The following A2M variants were observed in gnomAD, a reference collection of about 807,000 sequenced individuals.
A2M encodes C3 and PZP-like alpha-2-macroglobulin domain-containing protein 5.
In A2M, 128 loss-of-function variants were observed where a neutral mutation model predicts 183.9. The observed-to-expected ratio is 0.70, with a 90% confidence interval of 0.60 to 0.81. The LOEUF is 0.81. Ranked by LOEUF, A2M falls within the 30% of genes least tolerant of loss-of-function variation. The pLI is 0.00. For missense variants in A2M, 1,495 were observed against 1,787.6 expected (o/e 0.84, Z 2.95); for synonymous variants, 592 against 670.8 (o/e 0.88, Z 1.81).
chr12:9,111,922 G>A (rs1013974496), intron 4 of A2M: 50 of 645,712 alleles, frequency 7.7e-5, no homozygotes, highest in African/African-American at 6.9e-4. Flanking sequence ...AGAACCATCC[G>A]AAAAGTAAAT....
chr12:9,096,405 T>C (rs1235949827), intron 15 of A2M, among the ~76,000 whole-genome samples: 1 of 152,204 alleles, frequency 6.6e-6, no homozygotes, highest in East Asian at 1.9e-4. Context: ...TGTGCTTATC[T>C]TGTGGTGAGC....
intron 33 of A2M, 144 bp downstream of exon 33, chr12:9,069,601 A>T (rs1948503556): frequency 7.3e-6 from 4 of 547,004 alleles, no homozygotes; most frequent in Non-Finnish European, 3.2e-6. Flanking sequence ...TAAAGGAGAG[A>T]AGAACATTCT....
Position 9,089,234 on chromosome 12 carries a change from C to G in A2M, c.2736G>C (p.Lys912Asn). 6.3e-7 allele frequency: 1 copy of G among 1,588,574 alleles called. No homozygotes were observed. Residue 912 changes from lysine (K) to asparagine (N), a missense_variant, in exon 22 of 36, where the codon AAG (lysine) becomes AAC (asparagine). Physicochemically the swap from Lys to Asn is moderately conservative, Grantham distance 94. Coordinates refer to ENST00000318602, the MANE Select transcript of A2M (RefSeq NM_000014.6). The stretch of plus-strand genomic sequence containing the variant: ...AAAGTAGGGAGTTGAATGTTGTTTC[C>G]TTCTCTAGTCCTTCAGGCTTTAGGT... ...PLLVEPEGLE[K>N]ETTFNSLLCP...
At chr12:9,074,504 C>T in intron 29 of A2M, 56 bp downstream of exon 29, 4 of 1,489,282 alleles carry the variant, frequency 2.7e-6, no homozygotes, top group Non-Finnish European at 2.7e-6. Flanking sequence ...GTTTCTTTTT[C>T]ATTCAAATCT....
At chr12:9,076,327 A>G (rs1592335681) in intron 28 of A2M, among the ~76,000 whole-genome samples, 1 of 152,346 alleles carries the variant, frequency 6.6e-6, no homozygotes, top group East Asian at 1.9e-4. Flanking sequence ...TCTGTGAGGT[A>G]AATACTATTA....
intron 2 of A2M, 64 bp from the exon 3 acceptor site, chr12:9,112,600 G>T: frequency 6.4e-7 from 1 of 1,570,702 alleles, no homozygotes. Context: ...CCTATTTGCT[G>T]TTGCACTCTT....
chr12:9,091,771 C>A (rs117834356), intron 18 of A2M, among the ~76,000 whole-genome samples: 3,428 of 152,224 alleles, frequency 0.023, 48 homozygotes, highest in South Asian at 0.041. Context: ...GTATAGTGGG[C>A]CTGACTGAAT....
At chr12:9,097,911 G>A (rs1375711673) in intron 15 of A2M, among the ~76,000 whole-genome samples, 4 of 152,288 alleles carry the variant, frequency 2.6e-5, no homozygotes, top group African/African-American at 2.4e-5. Context: ...GATTACAGGC[G>A]TGAGCCACCA....
rs369389194 is a variant in A2M, at chr12:9,090,429, C to G, written c.2523G>C (p.Lys841Asn). Reference sequence around the variant, plus strand: ...CACAGATGCAGTGAGGCGCTTGTTCCTTCTCCACTGGGACAGCTAGGAAGG... The same window carrying G: ...CACAGATGCAGTGAGGCGCTTGTTCGTTCTCCACTGGGACAGCTAGGAAGG... Reference protein sequence around the residue: ...SPAFLAVPVEKEQAPHCICAN... With the variant: ...SPAFLAVPVENEQAPHCICAN... The change falls in exon 20 of 36, where the codon AAG (lysine) becomes AAC (asparagine). Residue 841 changes from lysine to asparagine, a missense_variant. By Grantham distance (94) the Lys-to-Asn change is moderately conservative. Coordinates refer to ENST00000318602, the MANE Select transcript of A2M (RefSeq NM_000014.6). 2 of 1,614,024 alleles carry G rather than the reference C, an allele frequency of 1.2e-6. No individual in the cohort carries two copies. Among genetic ancestry groups the G allele is most frequent in the Non-Finnish European group, 1.7e-6 (2 of 1,179,884 alleles).
intron 21 of A2M, 46 bp from the exon 22 acceptor site, chr12:9,089,297 A>C (rs901363497): frequency 7.3e-7 from 1 of 1,366,332 alleles, no homozygotes; most frequent in Non-Finnish European, 1.0e-6. Flanking sequence ...ACTGACCTTC[A>C]GAACATGTGT....
chr12:9,109,318 C>T lies in A2M; in HGVS notation c.758+3G>A. 6.2e-7 allele frequency: 1 copy of T among 1,607,816 alleles called. No individual in the cohort carries two copies. The highest frequency in any genetic ancestry group is 8.5e-7 in the Non-Finnish European group (1 of 1,174,758). Reference sequence around the variant, plus strand: ...ACAAAAGATTTTTAAAAAATGAACTCACAGGCCACACACTGATACATTCAT... The same window carrying T: ...ACAAAAGATTTTTAAAAAATGAACTTACAGGCCACACACTGATACATTCAT... On this transcript the variant is annotated splice_donor_region_variant and intron_variant, in intron 7 of 35. Coordinates refer to ENST00000318602, the MANE Select transcript of A2M (RefSeq NM_000014.6).
intron 10 of A2M, among the ~76,000 whole-genome samples, chr12:9,105,824 C>T (rs1470689885): frequency 6.6e-6 from 1 of 151,982 alleles, no homozygotes; most frequent in Non-Finnish European, 1.5e-5. Flanking sequence ...AACCACCTAC[C>T]CACCTGTTTC....
intron 31 of A2M, among the ~76,000 whole-genome samples, chr12:9,070,867 C>G (rs887644461): frequency 6.6e-6 from 1 of 151,232 alleles, no homozygotes; most frequent in Non-Finnish European, 1.5e-5. Flanking sequence ...CTTGCCCAGG[C>G]TGGAGTGCAA....
intron 31 of A2M, 61 bp from the exon 32 acceptor site, chr12:9,070,639 T>G: frequency 8.5e-7 from 1 of 1,177,230 alleles, no homozygotes. Context: ...TTTCTTCTTC[T>G]ATGTCCATGT....
chr12:9,108,582 C>A lies in A2M; in HGVS notation c.758+739G>T, dbSNP rs1288602294. On this transcript the variant is annotated intron_variant, in intron 7 of 35. Coordinates refer to ENST00000318602, the MANE Select transcript of A2M (RefSeq NM_000014.6). ...TATGAGGAACCAGGAACTTGGCCAT[C>A]ACTGTGAGACAGAACTGGAGCAGGG... Among the ~76,000 whole-genome samples, 3 of 152,318 alleles carry A rather than the reference C, an allele frequency of 2.0e-5. No individual in the cohort carries two copies. The East Asian group carries it at 5.8e-4, about 29-fold the overall frequency.
chr12:9,089,431 G>A (rs1184356154), intron 21 of A2M, among the ~76,000 whole-genome samples, 180 bp from the exon 22 acceptor site: 1 of 152,108 alleles, frequency 6.6e-6, no homozygotes, highest in African/African-American at 2.4e-5. Context: ...ACAAATGAAG[G>A]AAAAATTAAG....
intron 4 of A2M, chr12:9,111,673 G>C (rs772503235): frequency 5.7e-5 from 22 of 384,260 alleles, no homozygotes; most frequent in African/African-American, 4.2e-4. Flanking sequence ...TAATTTGGGA[G>C]AGAAAAATGA....
At chr12:9,111,519 AATAT>A (rs1336773616) in intron 4 of A2M, 32 of 456,430 alleles carry the variant, frequency 7.0e-5, no homozygotes, top group Non-Finnish European at 1.3e-4. Context: ...AAATAGTCTG[AATAT>A]ATTTTAAGCC....
At position 9,099,454 on chromosome 12, in the gene A2M, T is replaced by A; in HGVS notation, c.1628A>T (p.Tyr543Phe). The A allele has an allele frequency of 6.2e-7, 1 of 1,606,794 alleles. No individual in the cohort carries two copies. The highest frequency in any genetic ancestry group is 1.1e-5 in the South Asian group (1 of 89,024). ...DIAPVARLLI[Y>F]AVLPTGDVIG... ...CACGTCCCCGGTAGGTAAAACAGCA[T>A]AGATGAGCAACCGAGCGACAGGAGC... Residue 543 changes from tyrosine (Y) to phenylalanine (F), a missense_variant, in exon 14 of 36, where the codon TAT becomes TTT. Coordinates refer to ENST00000318602, the MANE Select transcript of A2M (RefSeq NM_000014.6).
Sources: gnomAD v4.1 joint callset for allele counts (sites outside exome capture counted in the v4.1 genomes callset) on GRCh38, gnomAD v4.1.1 for gene constraint, MANE v1.5 for transcripts, NCBI Gene and HGNC (gene_info 2026-07-23, HGNC 2026-07-21) for gene names.